Variants in MYO9A observed in about 807,000 individuals in gnomAD.
MYO9A encodes unconventional myosin-IXa.
In MYO9A, 103 loss-of-function variants were observed where a neutral mutation model predicts 293.3. The observed-to-expected ratio is 0.35, with a 90% CI of 0.30 to 0.41. The LOEUF (loss-of-function observed/expected upper bound fraction) is 0.41, where lower values mean the gene tolerates loss of function less well. Among genes scored for constraint, MYO9A ranks in the 10% least tolerant of loss-of-function variants. The probability of loss-of-function intolerance (pLI) is 1.00; values close to 1 mark genes in which losing one functional copy is unlikely to be tolerated. For missense variants in MYO9A, 2,685 were observed against 3,033.0 expected (o/e 0.89, Z 2.69); for synonymous variants, 1,001 against 1,035.7 (o/e 0.97, Z 0.64).
chr15:71,878,568 CTTG>C (rs1474346749), intron 30 of MYO9A, among the ~76,000 whole-genome samples: 2 of 152,024 alleles, frequency 1.3e-5, no homozygotes, highest in African/African-American at 4.8e-5. Flanking sequence ...AGAAATGAAC[CTTG>C]TTTAGATGGT....
At chr15:72,024,271 G>A (rs1055227872) in intron 4 of MYO9A, among the ~76,000 whole-genome samples, 2 of 152,158 alleles carry the variant, frequency 1.3e-5, no homozygotes, top group African/African-American at 4.8e-5. Context: ...ATAAAAGATA[G>A]TATAAATTAA....
intron 4 of MYO9A, among the ~76,000 whole-genome samples, chr15:72,022,340 T>A (rs1446085614): frequency 1.3e-5 from 2 of 151,946 alleles, no homozygotes; most frequent in East Asian, 3.9e-4. Context: ...GTCAACATGG[T>A]GAAACCCCGT....
intron 32 of MYO9A, among the ~76,000 whole-genome samples, chr15:71,868,736 T>C (rs1455097657): frequency 6.6e-6 from 1 of 152,084 alleles, no homozygotes; most frequent in Non-Finnish European, 1.5e-5. Context: ...GCAAATAAGT[T>C]TATACTGGAG....
At chr15:71,920,844 GGCTGGGGCA>G (rs2058137681) in intron 18 of MYO9A, among the ~76,000 whole-genome samples, 4 of 152,078 alleles carry the variant, frequency 2.6e-5, no homozygotes, top group Non-Finnish European at 5.9e-5. Flanking sequence ...CTACTTGGGT[GGCTGGGGCA>G]CAAGAACTGC....
intron 14 of MYO9A, among the ~76,000 whole-genome samples, chr15:71,956,330 A>AATATATATATATATAT (rs1555490832): frequency 2.8e-4 from 21 of 75,566 alleles, no homozygotes; most frequent in African/African-American, 8.4e-4. Flanking sequence ...AAAAAAAAAA[A>AATATATATATATATAT]ATATATATAT....
intron 15 of MYO9A, among the ~76,000 whole-genome samples, chr15:71,946,839 T>G (rs764776079): frequency 4.9e-4 from 75 of 152,296 alleles, no homozygotes; most frequent in Admixed American, 1.1e-3. Context: ...TTAGGCCGGA[T>G]GTAGTGGCTC....
intron 6 of MYO9A, 58 bp downstream of exon 6, chr15:72,018,981 A>C: frequency 7.5e-7 from 1 of 1,341,194 alleles, no homozygotes; most frequent in Non-Finnish European, 1.1e-6. Flanking sequence ...ATGGATGCAA[A>C]TGCGCAATGT....
At chr15:72,035,244 A>G (rs1010975853) in intron 2 of MYO9A, among the ~76,000 whole-genome samples, 6 of 152,204 alleles carry the variant, frequency 3.9e-5, no homozygotes, top group Admixed American at 2.0e-4. Context: ...ACACACTCTT[A>G]ACAATATGAC....
rs56175678 is a variant in MYO9A at position 72,026,267 on chromosome 15, C to T, written c.998+1464G>A. Among the ~76,000 whole-genome samples the T allele has an allele frequency of 1.9e-3, 233 of 120,060 alleles. 2 individuals carry two copies. Among genetic ancestry groups the T allele is most frequent in the Middle Eastern group, 0.017 (4 of 242 alleles). The allele number at this position is 120,060 out of a possible 152,430, so 78.8% of individuals were successfully genotyped here. A position where few individuals can be genotyped will look rare whatever the true frequency, so the allele number is the denominator to read the frequency against. On this transcript the variant is annotated intron_variant, in intron 4 of 41. Transcript: ENST00000356056. ...CAGCCCGTGCCTCAGAGCAAGACTC[C>T]GTCTCAAGAAAAAAAAAAAAAAAAA... is the stretch of plus-strand genomic sequence containing the variant.
At chr15:72,066,591 A>T in intron 1 of MYO9A, among the ~76,000 whole-genome samples, 1 of 152,186 alleles carries the variant, frequency 6.6e-6, no homozygotes, top group Non-Finnish European at 1.5e-5. Context: ...AAATCTATGG[A>T]TACAGACACC....
At position 71,951,905 on chromosome 15, in the gene MYO9A, G is replaced by GA; in HGVS notation, c.2183-10_2183-9insT. On this transcript the variant is annotated splice_polypyrimidine_tract_variant and intron_variant, in intron 14 of 41. Transcript: ENST00000356056. ...CGCTGTATCATCATGTCCTTAGGAA[G>GA]CAAAAAAAAACAAACAAAAAAAAAA... The GA allele has an allele frequency of 7.3e-6, 11 of 1,511,800 alleles. No homozygotes were observed. Among genetic ancestry groups the GA allele is most frequent in the East Asian group, 4.8e-5 (2 of 41,944 alleles). 93.6% of individuals were successfully genotyped at this position (1,511,800 alleles called of 1,614,324 possible).
At chr15:71,842,851 C>T (rs1290594832) in intron 39 of MYO9A, among the ~76,000 whole-genome samples, 1 of 143,388 alleles carries the variant, frequency 7.0e-6, no homozygotes, top group East Asian at 2.2e-4. Context: ...CAGAGCGAGA[C>T]TCCACCTCAA....
Position 71,987,213 on chromosome 15 carries a change from T to G in MYO9A, c.1722+3890A>C, listed in dbSNP as rs533292909. On this transcript the variant is annotated intron_variant, in intron 11 of 41. Transcript: ENST00000356056. Reference sequence around the variant, plus strand: ...TTGTGTAAATACAGGATGATGTTCATACAACAGCAAAATCACCTAATGATG... The same window carrying G: ...TTGTGTAAATACAGGATGATGTTCAGACAACAGCAAAATCACCTAATGATG... 1.1e-3 allele frequency among the ~76,000 whole-genome samples: 173 copies of G among 152,168 alleles called. 2 individuals are homozygous for G. Among genetic ancestry groups the G allele is most frequent in the Non-Finnish European group, 2.3e-3 (154 of 68,036 alleles).
intron 11 of MYO9A, among the ~76,000 whole-genome samples, chr15:71,984,943 G>A (rs193195566): frequency 1.4e-3 from 219 of 152,134 alleles, no homozygotes; most frequent in African/African-American, 4.6e-3. Context: ...TTGTTGAGAC[G>A]CAATCTCACT....
intron 39 of MYO9A, among the ~76,000 whole-genome samples, chr15:71,845,172 A>G (rs901631577): frequency 3.4e-4 from 51 of 152,150 alleles, no homozygotes; most frequent in African/African-American, 8.9e-4. Flanking sequence ...TCCTTTATCC[A>G]AGGCTTTTTT....
intron 1 of MYO9A, among the ~76,000 whole-genome samples, chr15:72,059,610 T>G (rs939604639): frequency 6.6e-6 from 1 of 152,238 alleles, no homozygotes; most frequent in Admixed American, 6.5e-5. Context: ...TGTGTTCACA[T>G]TAAATGGTTT....
chr15:71,866,525 GT>G (rs914511721), intron 32 of MYO9A, among the ~76,000 whole-genome samples: 41 of 145,550 alleles, frequency 2.8e-4, no homozygotes, highest in Admixed American at 4.1e-4. Context: ...GTAACACGAA[GT>G]TTTTTTTTTT....
intron 12 of MYO9A, among the ~76,000 whole-genome samples, chr15:71,968,590 T>A (rs2075935133): frequency 1.3e-5 from 2 of 152,214 alleles, no homozygotes; most frequent in Admixed American, 1.3e-4. Flanking sequence ...GCCATTTTCT[T>A]ACTATACCAA....
chr15:72,093,739 T>C lies in MYO9A; in HGVS notation c.-72+23941A>G, dbSNP rs1050749342. ...CCGTCTCTACTAAAAATAGAAAAAT[T>C]AGCTGGGCATGACAGCAGGCACCTC... On this transcript the variant is annotated intron_variant, in intron 1 of 41. Coordinates refer to ENST00000356056, the MANE Select transcript of MYO9A (RefSeq NM_006901.4). 8.9e-4 allele frequency among the ~76,000 whole-genome samples: 79 copies of C among 89,246 alleles called. 5 individuals carry two copies. Among genetic ancestry groups the C allele is most frequent in the African/African-American group, 2.1e-3 (79 of 38,304 alleles). 58.5% of individuals were successfully genotyped at this position (89,246 alleles called of 152,430 possible).
Sources: allele counts gnomAD v4.1 joint callset (sites outside exome capture counted in the v4.1 genomes callset), GRCh38; gene constraint gnomAD v4.1.1; transcripts MANE v1.5; gene names NCBI Gene and HGNC (gene_info 2026-07-23, HGNC 2026-07-21).